Variants in ACP3 observed in about 807,000 individuals in gnomAD.
ACP3 encodes prostatic acid phosphatase.
A neutral mutation model predicts 45.6 loss-of-function variants in ACP3; 38 were observed. The ratio of observed to expected loss-of-function variants is 0.83; its 90% CI spans 0.64 to 1.09. The LOEUF (loss-of-function observed/expected upper bound fraction) is 1.09. Among genes scored for constraint, ACP3 ranks in the 50% least tolerant of loss-of-function variants. The pLI, the probability that ACP3 is intolerant of heterozygous loss-of-function variation, is 0.00. For synonymous variants in ACP3, 162 were observed against 164.7 expected, an observed-to-expected ratio of 0.98 and a Z score of 0.13; for missense variants, 466 against 463.2, an observed-to-expected ratio of 1.01 and a Z score of -0.05.
rs187137862 is a variant in ACP3 at position 132,349,951 on chromosome 3, G to A, written c.813G>A (p.Met271Ile). 2 of 1,613,058 alleles carry A rather than the reference G, an allele frequency of 1.2e-6. No individual in the cohort carries two copies. Among genetic ancestry groups the A allele is most frequent in the Admixed American group, 3.3e-5 (2 of 60,000 alleles). Residue 271 changes from methionine (M) to isoleucine (I), a missense_variant, in exon 8 of 10, where the codon ATG becomes ATA. Transcript: ENST00000336375. ...GVLVNEILNHMKRATQIPSYK... is the reference protein window; with the variant it reads ...GVLVNEILNHIKRATQIPSYK... ...TGGTCAATGAAATCCTCAATCACAT[G>A]AAGAGAGCAACTCAGATACCAAGCT... is the stretch of plus-strand genomic sequence containing the variant.
intron 1 of ACP3, among the ~76,000 whole-genome samples, chr3:132,321,209 A>C (rs889026476): frequency 2.0e-5 from 3 of 151,800 alleles, no homozygotes; most frequent in African/African-American, 7.3e-5. Flanking sequence ...GGGTGCAGCA[A>C]CTCACACCTG....
In ACP3 at chr3:132,368,227, T is replaced by A. The variant is rs547649442; in HGVS notation, c.*405T>A. 8 of 162,480 alleles carry A rather than the reference T, an allele frequency of 4.9e-5. No individual in the cohort carries two copies. In the East Asian group the frequency reaches 1.5e-3, roughly 30 times the overall value. The allele number at this position is 162,480 out of a possible 1,614,324, so 10.1% of individuals were successfully genotyped here. On this transcript the variant is annotated 3_prime_UTR_variant, in exon 11 of 11. Transcript: ENST00000351273. ...ATATTGGGGGAAGTTAGACTAGAAG[T>A]ATTATTATACAGGGTGATTCTTACG...
chr3:132,355,093 C>A (rs1030037465), intron 9 of ACP3, among the ~76,000 whole-genome samples: 1 of 152,190 alleles, frequency 6.6e-6, no homozygotes, highest in Non-Finnish European at 1.5e-5. Context: ...ACCCAGGGTT[C>A]CCTCTTTGGA....
intron 1 of ACP3, among the ~76,000 whole-genome samples, chr3:132,327,087 T>C (rs1247101418): frequency 6.6e-6 from 1 of 152,270 alleles, no homozygotes; most frequent in Non-Finnish European, 1.5e-5. Flanking sequence ...AAGTATGTTA[T>C]TAAAGTATTG....
At chr3:132,360,346 A>G (rs1201992741), downstream of ACP3, among the ~76,000 whole-genome samples, 1 of 151,280 alleles carries the variant, frequency 6.6e-6, no homozygotes, top group Non-Finnish European at 1.5e-5. Flanking sequence ...CAGGACACTT[A>G]GGATGTTCTG....
chr3:132,359,892 CA>C (rs751440557), downstream of ACP3, among the ~76,000 whole-genome samples: 4 of 152,100 alleles, frequency 2.6e-5, no homozygotes, highest in Non-Finnish European at 5.9e-5. Context: ...GTATTTTCAC[CA>C]AAGAAATTAA....
chr3:132,353,761 T>C (rs1937814650), intron 9 of ACP3, among the ~76,000 whole-genome samples: 1 of 152,220 alleles, frequency 6.6e-6, no homozygotes, highest in Non-Finnish European at 1.5e-5. Flanking sequence ...CTTTAAATTG[T>C]AATAATGTTT....
chr3:132,353,963 G>C (rs1937818906), intron 9 of ACP3, among the ~76,000 whole-genome samples: 1 of 152,294 alleles, frequency 6.6e-6, no homozygotes, highest in Admixed American at 6.5e-5. Context: ...ACCTCTAACT[G>C]AGTGTCAGGC....
intron 10 of ACP3, among the ~76,000 whole-genome samples, chr3:132,366,783 A>G (rs1372846501): frequency 6.6e-6 from 1 of 152,238 alleles, no homozygotes; most frequent in African/African-American, 2.4e-5. Context: ...TTTTAAAATC[A>G]TGAGACTGAT....
intron 1 of ACP3, among the ~76,000 whole-genome samples, chr3:132,327,939 A>G (rs967519287): frequency 1.3e-5 from 2 of 152,164 alleles, no homozygotes; most frequent in Non-Finnish European, 2.9e-5. Flanking sequence ...ATTATGTGTC[A>G]CCTGCCTTCT....
At chr3:132,365,346 G>A (rs1005592055) in intron 10 of ACP3, among the ~76,000 whole-genome samples, 1 of 152,252 alleles carries the variant, frequency 6.6e-6, no homozygotes, top group Admixed American at 6.5e-5. Context: ...TTTTAAATGG[G>A]AAGGTCTCAT....
At chr3:132,351,983 A>G (rs1937751898) in intron 8 of ACP3, among the ~76,000 whole-genome samples, 1 of 152,194 alleles carries the variant, frequency 6.6e-6, no homozygotes, top group African/African-American at 2.4e-5. Flanking sequence ...CTAAACATTT[A>G]AACCTCATAT....
downstream of ACP3, among the ~76,000 whole-genome samples, chr3:132,362,337 G>C (rs1184914929): frequency 2.0e-5 from 3 of 152,140 alleles, no homozygotes; most frequent in Non-Finnish European, 2.9e-5. Context: ...ACTGTGTCTT[G>C]TGGACTACTT....
At position 132,357,597 on chromosome 3, in the gene ACP3, A is replaced by T. The variant is rs1937937570; in HGVS notation, c.*719A>T. The T allele has an allele frequency of 1.4e-5, 14 of 984,558 alleles. No homozygotes were observed. Among genetic ancestry groups the T allele is most frequent in the Non-Finnish European group, 1.6e-5 (13 of 829,096 alleles). 61.0% of individuals were successfully genotyped at this position (984,558 alleles called of 1,614,324 possible). A position where few individuals can be genotyped will look rare whatever the true frequency, so the allele number is the denominator to read the frequency against. On this transcript the variant is annotated 3_prime_UTR_variant, in exon 10 of 10. Transcript: ENST00000336375. Reference sequence around the variant, plus strand: ...CAGAAAGATTTGATGTATGTAATACATATAGCAGCTCTTGAAGTATATATA... The same window carrying T: ...CAGAAAGATTTGATGTATGTAATACTTATAGCAGCTCTTGAAGTATATATA...
intron 7 of ACP3, among the ~76,000 whole-genome samples, chr3:132,346,843 A>G (rs186823901): frequency 2.2e-4 from 34 of 152,338 alleles, no homozygotes; most frequent in African/African-American, 7.9e-4. Flanking sequence ...CATCGGCATC[A>G]ACTACCACCT....
intron 5 of ACP3, among the ~76,000 whole-genome samples, chr3:132,339,610 A>ACT (rs1937528820): frequency 6.6e-6 from 1 of 152,230 alleles, no homozygotes; most frequent in Non-Finnish European, 1.5e-5. Context: ...AAACACAGTT[A>ACT]TTGGTTATTA....
At chr3:132,330,502 T>C (rs966223521) in intron 2 of ACP3, among the ~76,000 whole-genome samples, 1 of 152,228 alleles carries the variant, frequency 6.6e-6, no homozygotes, top group Non-Finnish European at 1.5e-5. Context: ...CAGGTGATTC[T>C]GTGCATGCTA....
At chr3:132,320,503 A>C (rs1937186896) in intron 1 of ACP3, among the ~76,000 whole-genome samples, 1 of 152,118 alleles carries the variant, frequency 6.6e-6, no homozygotes, top group African/African-American at 2.4e-5. Context: ...GAAAACCCAC[A>C]AGTTCAGCTG....
At chr3:132,342,884 T>A (rs977703613) in intron 6 of ACP3, among the ~76,000 whole-genome samples, 1 of 146,238 alleles carries the variant, frequency 6.8e-6, no homozygotes, top group African/African-American at 2.5e-5. Flanking sequence ...TTGCTTTTCT[T>A]CTATGAGTTT....
Sources: allele counts gnomAD v4.1 joint callset (sites outside exome capture counted in the v4.1 genomes callset), GRCh38; gene constraint gnomAD v4.1.1; transcripts MANE v1.5; gene names NCBI Gene and HGNC (gene_info 2026-07-23, HGNC 2026-07-21).